SLC2A7: variants seen among roughly 807,000 people sequenced by gnomAD.
The protein encoded by SLC2A7 is solute carrier family 2 member 7.
A neutral mutation model predicts 50.5 loss-of-function variants in SLC2A7; 50 were observed. That is an observed-to-expected ratio of 0.99 (90% confidence interval 0.79 to 1.25). The LOEUF (loss-of-function observed/expected upper bound fraction) is 1.25, where lower values mean the gene tolerates loss of function less well. Among genes scored for constraint, SLC2A7 ranks in the 50% most tolerant of loss-of-function variants. The probability of loss-of-function intolerance (pLI) is 0.00; values close to 1 mark genes in which losing one functional copy is unlikely to be tolerated. For synonymous variants in SLC2A7, 308 were observed against 300.4 expected, an observed-to-expected ratio of 1.03 and a Z score of -0.26; for missense variants, 683 against 679.1, an observed-to-expected ratio of 1.01 and a Z score of -0.06.
chr1:8,998,288 C>A (rs1640533900), downstream of SLC2A7, among the ~76,000 whole-genome samples: 1 of 152,012 alleles, frequency 6.6e-6, no homozygotes. Context: ...GCCTGCAATC[C>A]CAGTTACTCA....
At chr1:9,016,007 G>C (rs565439570) in intron 5 of SLC2A7, among the ~76,000 whole-genome samples, 86 of 152,128 alleles carry the variant, frequency 5.7e-4, no homozygotes, top group African/African-American at 2.0e-3. Context: ...CTGGGCATGA[G>C]CCACTGCACC....
In SLC2A7 at chr1:9,007,495, C is replaced by T. The variant is rs1640672922; in HGVS notation, c.1117-110G>A. Reference sequence around the variant, plus strand: ...CCAGGGAGGAGCTGCACCTAGATGTCTGGGCACCTCCATGGACCTTGAGGG... The same window carrying T: ...CCAGGGAGGAGCTGCACCTAGATGTTTGGGCACCTCCATGGACCTTGAGGG... On this transcript the variant is annotated intron_variant, in intron 9 of 11. Coordinates refer to ENST00000400906, the MANE Select transcript of SLC2A7 (RefSeq NM_207420.3). The T allele has an allele frequency of 4.0e-5, 39 of 980,442 alleles. No homozygotes were observed. The South Asian group carries it at 5.5e-4, about 14-fold the overall frequency. 60.7% of individuals were successfully genotyped at this position (980,442 alleles called of 1,614,324 possible). A position where few individuals can be genotyped will look rare whatever the true frequency, so the allele number is the denominator to read the frequency against.
rs757200392 is a variant in SLC2A7, at chr1:9,026,420, G to A, written c.-75C>T. On this transcript the variant is annotated 5_prime_UTR_variant, in exon 1 of 12. Transcript: ENST00000400906. ...GCTCTGCGCCAGCCACCTAAAGACC[G>A]GCTGTTTCTCCCCTGGGCCTACCTG... The A allele has an allele frequency of 2.0e-5, 29 of 1,435,512 alleles. No individual in the cohort carries two copies. The highest frequency in any genetic ancestry group is 8.6e-5 in the Admixed American group (4 of 46,284). The allele number at this position is 1,435,512 out of a possible 1,614,324, so 88.9% of individuals were successfully genotyped here.
intron 9 of SLC2A7, among the ~76,000 whole-genome samples, 200 bp downstream of exon 9, chr1:9,009,943 T>C (rs1483340390): frequency 6.6e-6 from 1 of 152,276 alleles, no homozygotes; most frequent in Non-Finnish European, 1.5e-5. Flanking sequence ...GTTACTTATT[T>C]GCATGTGCAG....
the SLC2A7 span, among the ~76,000 whole-genome samples, chr1:8,995,691 G>T: frequency 6.6e-6 from 1 of 151,846 alleles, no homozygotes; most frequent in Non-Finnish European, 1.5e-5. Flanking sequence ...GTTGCAGTGA[G>T]CTGAGATTGT....
In SLC2A7 at chr1:9,014,725, T is replaced by C; in HGVS notation, c.859A>G (p.Ile287Val). 1 of 1,570,912 alleles carries C rather than the reference T, an allele frequency of 6.4e-7. No homozygotes were observed. Among genetic ancestry groups the C allele is most frequent in the Non-Finnish European group, 8.6e-7 (1 of 1,158,206 alleles). ...TGCTGGCCGGCCATGAGCACGATGA[T>C]GGAGAGGAGCTGCCAGCGCAGGGAC... ...LRSLRWQLLS[I>V]IVLMAGQQLS... is the part of the protein sequence containing the mutation. Residue 287 changes from isoleucine (I) to valine (V), a missense_variant, in exon 7 of 12, where the codon ATC becomes GTC. Ile to Val is a conservative substitution (Grantham distance 29). Coordinates refer to ENST00000400906, the MANE Select transcript of SLC2A7 (RefSeq NM_207420.3).
chr1:9,018,602 T>C (rs1285982381), intron 4 of SLC2A7, among the ~76,000 whole-genome samples: 2 of 152,220 alleles, frequency 1.3e-5, no homozygotes, highest in African/African-American at 2.4e-5. Flanking sequence ...GACCTTTTCC[T>C]TTCTAGCCAC....
chr1:9,001,638 G>A (rs1640576755), downstream of SLC2A7, among the ~76,000 whole-genome samples: 1 of 151,914 alleles, frequency 6.6e-6, no homozygotes, highest in Admixed American at 6.6e-5. Flanking sequence ...GGCTGGTCTC[G>A]AACTCCTGAG....
At chr1:8,994,330 T>G in the SLC2A7 span, among the ~76,000 whole-genome samples, 2 of 152,308 alleles carry the variant, frequency 1.3e-5, no homozygotes, top group East Asian at 3.9e-4. Flanking sequence ...GATTAGTGAA[T>G]CTGTGTAAGC....
chr1:9,022,300 C>T (rs28532953), intron 3 of SLC2A7, among the ~76,000 whole-genome samples: 115,456 of 152,118 alleles, frequency 0.76, 44,067 homozygotes, highest in East Asian at 0.95. Context: ...CCCAGGCTCA[C>T]GCTTTGCCCT....
intron 10 of SLC2A7, among the ~76,000 whole-genome samples, chr1:9,005,684 T>C (rs1640644104): frequency 6.7e-6 from 1 of 149,022 alleles, no homozygotes; most frequent in Admixed American, 6.8e-5. Flanking sequence ...CGTGTGCCTG[T>C]AGTCCCAGCT....
intron 4 of SLC2A7, 107 bp from the exon 5 acceptor site, chr1:9,018,482 C>T (rs1640865132): frequency 1.4e-6 from 2 of 1,472,010 alleles, no homozygotes; most frequent in Admixed American, 2.1e-5. Context: ...GCTGTCAGCC[C>T]CTCCGTGGAG....
In SLC2A7 at chr1:9,008,607, T is replaced by TTTC. The variant is rs1231163963; in HGVS notation, c.1117-1223_1117-1222insGAA. On this transcript the variant is annotated intron_variant, in intron 9 of 11. Coordinates refer to ENST00000400906, the MANE Select transcript of SLC2A7 (RefSeq NM_207420.3). The surrounding 1 kb of genome is among the most constrained non-coding windows in gnomAD (Gnocchi z 5.9). ...TTCTGCTAAGAACTTATATTGGTTT[T>TTTC]TTTTTTTTTTAGACAGAATCTCGCT... 6.6e-6 allele frequency among the ~76,000 whole-genome samples: 1 copy of TTTC among 151,178 alleles called. No homozygotes were observed. The highest frequency in any genetic ancestry group is 1.5e-5 in the Non-Finnish European group (1 of 67,698).
chr1:9,010,140 G>T lies in SLC2A7; in HGVS notation c.1116+3C>A, dbSNP rs1397892421. ...ACCCAGGGGGCAGGAAATGAGGTCA[G>T]ACCTGGAATAGGAGCACCACCGTCA... On this transcript the variant is annotated splice_donor_region_variant and intron_variant, in intron 9 of 11. Coordinates refer to ENST00000400906, the MANE Select transcript of SLC2A7 (RefSeq NM_207420.3). The T allele has an allele frequency of 2.6e-6, 4 of 1,551,914 alleles. No individual in the cohort carries two copies. In the South Asian group the frequency reaches 4.8e-5, roughly 18 times the overall value.
rs769352024 is a variant in SLC2A7, at chr1:9,007,330, G to T, written c.1172C>A (p.Ala391Glu). The change falls in exon 10 of 12, where the codon GCG (alanine) becomes GAG (glutamate). Residue 391 changes from alanine to glutamate, a missense_variant. Physicochemically the swap from Ala to Glu is moderately radical, Grantham distance 107. Transcript: ENST00000400906. Reference protein sequence around the residue: ...LGIICVFAYIAGHSIGPSPVP... With the variant: ...LGIICVFAYIEGHSIGPSPVP... ...CTCACTGGGCCCAATGGAATGTCCC[G>T]CGATGTAGGCAAAGACACAGATGAT... is the stretch of plus-strand genomic sequence containing the variant. 5.6e-6 allele frequency: 9 copies of T among 1,614,196 alleles called. No individual in the cohort carries two copies. The highest frequency in any genetic ancestry group is 7.6e-6 in the Non-Finnish European group (9 of 1,180,022).
intron 9 of SLC2A7, 95 bp from the exon 10 acceptor site, chr1:9,007,480 G>T: frequency 8.6e-7 from 1 of 1,163,806 alleles, no homozygotes; most frequent in African/African-American, 1.5e-5. Flanking sequence ...CCAGGGAGGA[G>T]CTGCACCTAG....
In SLC2A7 at chr1:9,003,292, C is replaced by T. The variant is rs1640601903; in HGVS notation, c.*8G>A. 3 of 1,613,816 alleles carry T rather than the reference C, an allele frequency of 1.9e-6. No homozygotes were observed. Among genetic ancestry groups the T allele is most frequent in the Non-Finnish European group, 2.5e-6 (3 of 1,179,856 alleles). ...TGAATATGGGCTCCCGTCCTTCATGCAGGGCCACTAAAAGGAAGTTTCCTT... is the reference window on the plus strand; with the variant it reads ...TGAATATGGGCTCCCGTCCTTCATGTAGGGCCACTAAAAGGAAGTTTCCTT... On this transcript the variant is annotated 3_prime_UTR_variant, in exon 12 of 12. Coordinates refer to ENST00000400906, the MANE Select transcript of SLC2A7 (RefSeq NM_207420.3).
intron 10 of SLC2A7, among the ~76,000 whole-genome samples, chr1:9,006,054 G>A (rs1640648930): frequency 6.6e-6 from 1 of 152,180 alleles, no homozygotes; most frequent in Non-Finnish European, 1.5e-5. Context: ...ATCAGCCCAT[G>A]CTCTGACCTC....
At chr1:9,022,007 T>C (rs1640919379) in intron 3 of SLC2A7, among the ~76,000 whole-genome samples, 6 of 152,256 alleles carry the variant, frequency 3.9e-5, no homozygotes, top group Admixed American at 3.9e-4. Context: ...GAATTGTTTC[T>C]TCTTTCCAGC....
Sources: gnomAD v4.1 joint callset for allele counts (sites outside exome capture counted in the v4.1 genomes callset) on GRCh38, gnomAD v4.1.1 for gene constraint, Gnocchi (gnomAD v3.1) non-coding constraint, MANE v1.5 for transcripts, NCBI Gene and HGNC (gene_info 2026-07-23, HGNC 2026-07-21) for gene names.